The following NSG2 variants were observed in gnomAD, a reference collection of about 807,000 sequenced individuals.
The protein encoded by NSG2 is neuronal vesicle trafficking associated 2, also known as neuronal vesicle trafficking-associated protein 2.
NSG2 carries 4 observed loss-of-function variants against 16.9 expected under a neutral mutation model. The observed-to-expected ratio is 0.24, with a 90% CI of 0.12 to 0.54. The LOEUF (loss-of-function observed/expected upper bound fraction) is 0.54. Ranked by LOEUF, NSG2 falls within the 20% of genes least tolerant of loss-of-function variation. The pLI is 0.95. For synonymous variants in NSG2, 98 were observed against 88.7 expected (o/e 1.11, Z -0.59); for missense variants, 179 against 221.1 (o/e 0.81, Z 1.21).
intron 2 of NSG2, among the ~76,000 whole-genome samples, chr5:174,059,927 C>T (rs1760023392): frequency 6.6e-6 from 1 of 152,160 alleles, no homozygotes. Context: ...GGGTAACATG[C>T]CCATGTCTGA....
chr5:174,092,330 G>A (rs1458974281), intron 3 of NSG2, among the ~76,000 whole-genome samples: 1 of 152,236 alleles, frequency 6.6e-6, no homozygotes, highest in Non-Finnish European at 1.5e-5. Context: ...AGTTAGGGTC[G>A]GGGATGCAGG....
intron 2 of NSG2, among the ~76,000 whole-genome samples, chr5:174,049,530 C>G (rs1270294239): frequency 6.6e-6 from 1 of 152,224 alleles, no homozygotes; most frequent in Non-Finnish European, 1.5e-5. Context: ...GTGAGGGAGT[C>G]ACTACTTTGG....
chr5:174,103,979 A>G (rs1239295752), intron 3 of NSG2, among the ~76,000 whole-genome samples: 1 of 152,156 alleles, frequency 6.6e-6, no homozygotes, highest in East Asian at 1.9e-4. Flanking sequence ...TCTCACAAAA[A>G]CAAACAAATA....
intron 2 of NSG2, among the ~76,000 whole-genome samples, 155 bp from the exon 3 acceptor site, chr5:174,064,077 T>A (rs1290041816): frequency 6.6e-6 from 1 of 152,234 alleles, no homozygotes; most frequent in Non-Finnish European, 1.5e-5. Context: ...GGAAGTATTA[T>A]GAGTAACTTG....
chr5:174,049,340 AAAAC>A (rs138598037), intron 2 of NSG2, among the ~76,000 whole-genome samples: 261 of 152,100 alleles, frequency 1.7e-3, no homozygotes, highest in South Asian at 7.7e-3. Flanking sequence ...ACACTGTCTC[AAAAC>A]AAACAAACAA....
chr5:174,073,796 G>A (rs1301028115), intron 3 of NSG2, among the ~76,000 whole-genome samples: 1 of 152,082 alleles, frequency 6.6e-6, no homozygotes. Flanking sequence ...TTTTATTACC[G>A]GCTTTACATT....
In NSG2 at chr5:174,103,517, G is replaced by T. The variant is rs545399274; in HGVS notation, c.214-711G>T. 4.6e-5 allele frequency among the ~76,000 whole-genome samples: 7 copies of T among 152,260 alleles called. No individual in the cohort carries two copies. The South Asian group carries it at 1.5e-3, about 32-fold the overall frequency. On this transcript the variant is annotated intron_variant, in intron 3 of 4. Coordinates refer to ENST00000303177, the MANE Select transcript of NSG2 (RefSeq NM_015980.5). ...GCGAAAGAAGCAGTTGATGTCCGAG[G>T]TTGCAATGCACCAGTGCTGGGGCGC...
intron 3 of NSG2, among the ~76,000 whole-genome samples, chr5:174,089,954 A>C (rs1229720577): frequency 6.6e-6 from 1 of 152,102 alleles, no homozygotes; most frequent in African/African-American, 2.4e-5. Flanking sequence ...GGGCTCTGGG[A>C]GGCAGGAAGA....
At chr5:174,049,026 C>T (rs1213626396) in intron 2 of NSG2, among the ~76,000 whole-genome samples, 1 of 151,968 alleles carries the variant, frequency 6.6e-6, no homozygotes, top group Non-Finnish European at 1.5e-5. Flanking sequence ...TGGCATTATA[C>T]GTAAAGTGCC....
chr5:174,104,189 C>A (rs111772832), intron 3 of NSG2, 39 bp from the exon 4 acceptor site: 4 of 1,459,994 alleles, frequency 2.7e-6, no homozygotes, highest in African/African-American at 1.4e-5. Flanking sequence ...TGAAGGTGGG[C>A]AGACTGAGGC....
At chr5:174,059,555 T>C (rs959559250) in intron 2 of NSG2, among the ~76,000 whole-genome samples, 1 of 152,232 alleles carries the variant, frequency 6.6e-6, no homozygotes, top group Non-Finnish European at 1.5e-5. Flanking sequence ...GGAAGACATG[T>C]GTATCAGATA....
intron 3 of NSG2, among the ~76,000 whole-genome samples, chr5:174,103,542 C>T (rs531344570): frequency 5.9e-5 from 9 of 152,078 alleles, no homozygotes; most frequent in East Asian, 1.9e-4. Flanking sequence ...TGCTGGGGCG[C>T]GGTGGGGATG....
intron 2 of NSG2, among the ~76,000 whole-genome samples, chr5:174,048,703 TC>T (rs1554100118): frequency 6.6e-6 from 1 of 152,042 alleles, no homozygotes; most frequent in Non-Finnish European, 1.5e-5. Flanking sequence ...ATGGTCTCTG[TC>T]CCCCCTTACT....
At position 174,107,733 on chromosome 5, in the gene NSG2, A is replaced by C; in HGVS notation, c.*228A>C. On this transcript the variant is annotated 3_prime_UTR_variant, in exon 5 of 5. Coordinates refer to ENST00000303177, the MANE Select transcript of NSG2 (RefSeq NM_015980.5). This position sits in a 1 kb window ranked among gnomAD's most constrained non-coding sequence, Gnocchi z 4.5. ...GTTGATTCGTCGCCGAGTCAGGCTC[A>C]TGTACAAAGGCATGTTTCGTGTTGA... 1 of 689,250 alleles carries C rather than the reference A, an allele frequency of 1.5e-6. No homozygotes were observed. Among genetic ancestry groups the C allele is most frequent in the South Asian group, 1.5e-5 (1 of 66,668 alleles). The allele number at this position is 689,250 out of a possible 1,614,324, so 42.7% of individuals were successfully genotyped here.
chr5:174,046,930 T>A, intron 2 of NSG2, 46 bp downstream of exon 2: 1 of 1,584,530 alleles, frequency 6.3e-7, no homozygotes, highest in African/African-American at 1.4e-5. Flanking sequence ...GCTCCCCCCA[T>A]CTCAGGAAAT....
intron 3 of NSG2, among the ~76,000 whole-genome samples, chr5:174,082,836 C>G (rs1295815679): frequency 6.6e-6 from 1 of 152,144 alleles, no homozygotes; most frequent in Non-Finnish European, 1.5e-5. Context: ...GACTGGTCTT[C>G]CTGCTTCCAA....
At chr5:174,079,680 G>A (rs1253733019) in intron 3 of NSG2, among the ~76,000 whole-genome samples, 1 of 152,100 alleles carries the variant, frequency 6.6e-6, no homozygotes, top group Non-Finnish European at 1.5e-5. Flanking sequence ...CTCCTGATTT[G>A]TGTTGCTACC....
intron 3 of NSG2, among the ~76,000 whole-genome samples, chr5:174,088,707 A>G (rs1166932396): frequency 6.6e-6 from 1 of 152,106 alleles, no homozygotes; most frequent in Non-Finnish European, 1.5e-5. Flanking sequence ...TGGCATTTCC[A>G]CACAATGATT....
intron 2 of NSG2, among the ~76,000 whole-genome samples, chr5:174,059,486 G>C (rs12332754): frequency 6.6e-6 from 1 of 152,120 alleles, no homozygotes; most frequent in Non-Finnish European, 1.5e-5. Flanking sequence ...TACTTATTTA[G>C]TATTTGGCTA....
Sources: gnomAD v4.1 joint callset for allele counts (sites outside exome capture counted in the v4.1 genomes callset) on GRCh38, gnomAD v4.1.1 for gene constraint, Gnocchi (gnomAD v3.1) non-coding constraint, MANE v1.5 for transcripts, NCBI Gene and HGNC (gene_info 2026-07-23, HGNC 2026-07-21) for gene names.